MET: variants seen among roughly 807,000 people sequenced by gnomAD.
MET encodes the protein MET proto-oncogene, receptor tyrosine kinase.
A neutral mutation model predicts 133.1 loss-of-function variants in MET; 48 were observed. The ratio of observed to expected loss-of-function variants is 0.36; its 90% CI spans 0.29 to 0.46. The LOEUF is 0.46. Ranked by LOEUF, MET falls within the 20% of genes least tolerant of loss-of-function variation. The pLI is 1.00. For missense variants in MET, 1,442 were observed against 1,695.9 expected (o/e 0.85, Z 2.63); for synonymous variants, 628 against 616.5 (o/e 1.02, Z -0.28).
At position 116,726,345 on chromosome 7, in the gene MET, G is replaced by A. The variant is rs117877994; in HGVS notation, c.1201-5323G>A. ...TTGTCTTTCCTTTGCCTGTAGTTGC[G>A]CTACACAGGTGTGTGCCCAGAAAAT... On this transcript the variant is annotated intron_variant, in intron 2 of 20. Transcript: ENST00000397752. Among the ~76,000 whole-genome samples the A allele has an allele frequency of 2.9e-4, 44 of 150,400 alleles. 1 individual carries two copies. The East Asian group carries it at 6.3e-3, about 21-fold the overall frequency.
chr7:116,788,975 A>G (rs1795401646), intron 19 of MET, among the ~76,000 whole-genome samples: 2 of 152,218 alleles, frequency 1.3e-5, no homozygotes, highest in Admixed American at 6.5e-5. Flanking sequence ...ATTGTATTAT[A>G]CGTTGTTTCA....
At position 116,774,946 on chromosome 7, in the gene MET, TC is replaced by T. The variant is rs771679296; in HGVS notation, c.3099del (p.Ile1034SerfsTer2). On this transcript the variant is annotated frameshift_variant, in exon 15 of 21. Transcript: ENST00000397752. LOFTEE classifies it high-confidence loss of function. ...RQVQYPLTDM[S>X]PILTSGDSDI... is the part of the protein sequence containing the mutation. ...AGTGCAGTATCCTCTGACAGACATG[TC>T]CCCCATCCTAACTAGTGGGGACTCT... 6.2e-7 allele frequency: 1 copy of T among 1,614,170 alleles called. No individual in the cohort carries two copies. Among genetic ancestry groups the T allele is most frequent in the Non-Finnish European group, 8.5e-7 (1 of 1,180,006 alleles).
In MET at chr7:116,672,362, C is replaced by A. The variant is rs1796002824; in HGVS notation, c.-230C>A. The A allele has an allele frequency of 5.8e-6, 2 of 347,782 alleles. No homozygotes were observed. The highest frequency in any genetic ancestry group is 2.2e-5 in the African/African-American group (1 of 46,390). 21.5% of individuals were successfully genotyped at this position (347,782 alleles called of 1,614,324 possible). A position where few individuals can be genotyped will look rare whatever the true frequency, so the allele number is the denominator to read the frequency against. The stretch of plus-strand genomic sequence containing the variant: ...GGGCGGAGGGAGTGCGGCCGGCGGG[C>A]GGGCGGGGCGCTGGGCTCAGCCCGG... On this transcript the variant is annotated 5_prime_UTR_variant, in exon 1 of 21. Transcript: ENST00000397752.
In MET at chr7:116,757,510, A is replaced by G; in HGVS notation, c.1936A>G (p.Thr646Ala). Residue 646 changes from threonine (T) to alanine (A), a missense_variant, in exon 7 of 21, where the codon ACA becomes GCA. Around this residue, in one of 6 missense-constraint regions of MET, gnomAD observed 514 missense variants for 659.6 expected, o/e 0.78. Transcript: ENST00000397752. ...CATAATTATTTCAAATGGCCACGGG[A>G]CAACACAATACAGTACATTCTCCTA... ...MSIIISNGHG[T>A]TQYSTFSYVD... 6.2e-7 allele frequency: 1 copy of G among 1,613,918 alleles called. No homozygotes were observed. Among genetic ancestry groups the G allele is most frequent in the Non-Finnish European group, 8.5e-7 (1 of 1,179,906 alleles).
At position 116,740,102 on chromosome 7, in the gene MET, G is replaced by A. The variant is rs1320813311; in HGVS notation, c.1527+18G>A. ...GGAAGAAGGTAAGCTGTTCCCACAG[G>A]GAATTTCCATAGACGTGGTTTTTCC... On this transcript the variant is annotated intron_variant, in intron 4 of 20. Transcript: ENST00000397752. 1 of 1,613,792 alleles carries A rather than the reference G, an allele frequency of 6.2e-7. No individual in the cohort carries two copies. Among genetic ancestry groups the A allele is most frequent in the Non-Finnish European group, 8.5e-7 (1 of 1,179,822 alleles).
chr7:116,703,133 A>G (rs556187071), intron 2 of MET, among the ~76,000 whole-genome samples: 2 of 152,276 alleles, frequency 1.3e-5, no homozygotes, highest in South Asian at 4.1e-4. Flanking sequence ...CTTTGTCTCC[A>G]CATATGATGC....
intron 3 of MET, among the ~76,000 whole-genome samples, chr7:116,739,502 A>T (rs1363228387): frequency 6.6e-6 from 1 of 152,242 alleles, no homozygotes; most frequent in Non-Finnish European, 1.5e-5. Context: ...TAGCTCCAGT[A>T]TTCCAGACTC....
At chr7:116,768,839 G>A (rs546083703) in intron 11 of MET, among the ~76,000 whole-genome samples, 37 of 152,164 alleles carry the variant, frequency 2.4e-4, no homozygotes, top group African/African-American at 7.7e-4. Flanking sequence ...CACTTCTTTC[G>A]CAAGGCTAAT....
intron 2 of MET, among the ~76,000 whole-genome samples, chr7:116,703,475 A>G (rs1791654533): frequency 6.6e-6 from 1 of 152,160 alleles, no homozygotes; most frequent in African/African-American, 2.4e-5. Context: ...GCATATTATT[A>G]TTCAAAATAA....
intron 5 of MET, among the ~76,000 whole-genome samples, chr7:116,741,878 T>G (rs1305767571): frequency 6.6e-6 from 1 of 152,246 alleles, no homozygotes; most frequent in Non-Finnish European, 1.5e-5. Flanking sequence ...AGAACTCAGT[T>G]TCTGGCAATG....
chr7:116,777,539 A>C, intron 16 of MET, 70 bp downstream of exon 16: 1 of 1,410,846 alleles, frequency 7.1e-7, no homozygotes, highest in Non-Finnish European at 1.0e-6. Context: ...GCTTATAATA[A>C]AACGTTGATT....
intron 10 of MET, among the ~76,000 whole-genome samples, chr7:116,762,584 C>G (rs1437002570): frequency 6.6e-6 from 1 of 152,150 alleles, no homozygotes; most frequent in East Asian, 1.9e-4. Context: ...TGGTAAATAG[C>G]ATTTTCATCT....
chr7:116,751,543 C>G (rs1381495695), intron 5 of MET, among the ~76,000 whole-genome samples: 1 of 152,138 alleles, frequency 6.6e-6, no homozygotes, highest in Non-Finnish European at 1.5e-5. Context: ...GTTTCACTTT[C>G]TAATACATGC....
intron 19 of MET, among the ~76,000 whole-genome samples, chr7:116,786,339 C>T (rs1007592174): frequency 6.6e-6 from 1 of 152,116 alleles, no homozygotes; most frequent in Non-Finnish European, 1.5e-5. Flanking sequence ...TATGAATTTC[C>T]GGGGAACACA....
intron 1 of MET, among the ~76,000 whole-genome samples, chr7:116,674,773 C>CA (rs1796093990): frequency 6.6e-6 from 1 of 152,208 alleles, no homozygotes; most frequent in Non-Finnish European, 1.5e-5. Flanking sequence ...GAGCTGCTTT[C>CA]AAGGCCTTCC....
intron 1 of MET, among the ~76,000 whole-genome samples, chr7:116,683,520 A>C (rs1796437434): frequency 6.6e-6 from 1 of 152,226 alleles, no homozygotes; most frequent in Non-Finnish European, 1.5e-5. Context: ...TCTTGAATAC[A>C]CAATTTCCTT....
Position 116,699,721 on chromosome 7 carries a change from T to G in MET, c.637T>G (p.Ser213Ala), listed in dbSNP as rs2116593988. The part of the protein sequence containing the change: ...SSYFPDHPLH[S>A]ISVRRLKETK... ...TTATTTCCCAGATCATCCATTGCAT[T>G]CGATATCAGTGAGAAGGCTAAAGGA... The change falls in exon 2 of 21, where the codon TCG becomes GCG. Residue 213 changes from serine to alanine, a missense_variant. Physicochemically the swap from Ser to Ala is moderately conservative, Grantham distance 99 (BLOSUM62 1). Transcript: ENST00000397752. The G allele has an allele frequency of 6.2e-7, 1 of 1,614,094 alleles. No individual in the cohort carries two copies. Among genetic ancestry groups the G allele is most frequent in the Non-Finnish European group, 8.5e-7 (1 of 1,179,986 alleles).
intron 2 of MET, among the ~76,000 whole-genome samples, chr7:116,701,657 A>G (rs913878075): frequency 1.3e-5 from 2 of 152,188 alleles, no homozygotes; most frequent in East Asian, 3.8e-4. Context: ...TACATTTAAT[A>G]TATGTTGCAA....
intron 1 of MET, among the ~76,000 whole-genome samples, chr7:116,693,615 T>C (rs189744686): frequency 3.2e-4 from 48 of 152,336 alleles, no homozygotes; most frequent in African/African-American, 1.1e-3. Context: ...GATTGATTGG[T>C]AAGCCCACGT....
Sources: allele counts gnomAD v4.1 joint callset (sites outside exome capture counted in the v4.1 genomes callset), GRCh38; gene constraint gnomAD v4.1.1; regional missense constraint gnomAD v4.1.1; transcripts MANE v1.5; gene names NCBI Gene and HGNC (gene_info 2026-07-23, HGNC 2026-07-21).